Variants in PRDM7 observed in about 807,000 individuals in gnomAD.
The protein encoded by PRDM7 is histone-lysine N-methyltransferase PRDM7.
PRDM7 carries 52 observed loss-of-function variants against 64.3 expected under a neutral mutation model. The ratio of observed to expected loss-of-function variants is 0.81; its 90% CI spans 0.65 to 1.02. The LOEUF is 1.02. Ranked by LOEUF, PRDM7 falls within the 50% of genes least tolerant of loss-of-function variation. The pLI is 0.00. For synonymous variants in PRDM7, 192 were observed against 210.1 expected (o/e 0.91, Z 0.74); for missense variants, 574 against 597.1 (o/e 0.96, Z 0.40).
Position 90,057,859 on chromosome 16 carries a change from T to C in PRDM7, c.*430A>G. The C allele has an allele frequency of 2.6e-6, 4 of 1,525,280 alleles. No homozygotes were observed. The South Asian group carries it at 3.3e-5, about 13-fold the overall frequency. 94.5% of individuals were successfully genotyped at this position (1,525,280 alleles called of 1,614,324 possible). On this transcript the variant is annotated 3_prime_UTR_variant, in exon 11 of 11. Transcript: ENST00000449207. ...TGACTTACTCATCCTTCCTGCAGAC[T>C]GGGGCGTCTCCCCTGTGTGTCCTCT...
chr16:90,061,921 T>C lies in PRDM7; in HGVS notation c.882A>G (p.Leu294=), dbSNP rs2037784663. 1 of 1,614,248 alleles carries C rather than the reference T, an allele frequency of 6.2e-7. No individual in the cohort carries two copies. Among genetic ancestry groups the C allele is most frequent in the Non-Finnish European group, 8.5e-7 (1 of 1,180,022 alleles). Residue 294 remains leucine (L), a splice_region_variant and synonymous_variant, in exon 8 of 11, where the codon CTA becomes CTG. Coordinates refer to ENST00000449207, the MANE Select transcript of PRDM7 (RefSeq NM_001098173.2). ...EEAANSGYSW[L]ITKGRNCYEY... ...AGGGGAAACAGCAGGCTCTTCTTAC[T>C]AGCCAGGAATATCCACTGTTGGCTG... is the stretch of plus-strand genomic sequence containing the variant.
intron 4 of PRDM7, among the ~76,000 whole-genome samples, chr16:90,069,371 G>A (rs761756055): frequency 3.7e-4 from 56 of 151,298 alleles, no homozygotes; most frequent in Non-Finnish European, 6.9e-4. Context: ...ATAGATTAAA[G>A]ACTGAAATGT....
In PRDM7 at chr16:90,067,027, C is replaced by A. The variant is rs765430108; in HGVS notation, c.302-117G>T. ...TCGCCCAGGCTGGAGTGCAGTGGCA[C>A]AATCTCCCCTCACTGCAACCTCCGC... On this transcript the variant is annotated intron_variant, in intron 4 of 10. Coordinates refer to ENST00000449207, the MANE Select transcript of PRDM7 (RefSeq NM_001098173.2). 1.3e-4 allele frequency: 103 copies of A among 815,340 alleles called. No homozygotes were observed. In the Admixed American group the frequency reaches 1.3e-3, roughly 10 times the overall value. 50.5% of individuals were successfully genotyped at this position (815,340 alleles called of 1,614,324 possible).
At position 90,068,965 on chromosome 16, in the gene PRDM7, T is replaced by C. The variant is rs1205179784; in HGVS notation, c.302-2055A>G. The stretch of plus-strand genomic sequence containing the variant: ...AATGATTTATAGATTCAATGTCCTG[T>C]CTATCAAAATGCCAATGCTATTATT... On this transcript the variant is annotated intron_variant, in intron 4 of 10. Transcript: ENST00000449207. Among the ~76,000 whole-genome samples, 2 of 151,312 alleles carry C rather than the reference T, an allele frequency of 1.3e-5. 1 individual carries two copies. The highest frequency in any genetic ancestry group is 2.9e-5 in the Non-Finnish European group (2 of 67,998).
intron 5 of PRDM7, among the ~76,000 whole-genome samples, chr16:90,064,148 G>A (rs2037831750): frequency 6.6e-6 from 1 of 152,094 alleles, no homozygotes; most frequent in African/African-American, 2.4e-5. Context: ...AAGCACAGAG[G>A]GACAAAGCAC....
Position 90,062,211 on chromosome 16 carries a change from G to A in PRDM7, c.611-19C>T, listed in dbSNP as rs773157611. The A allele has an allele frequency of 6.2e-7, 1 of 1,614,260 alleles. No individual in the cohort carries two copies. Among genetic ancestry groups the A allele is most frequent in the Non-Finnish European group, 8.5e-7 (1 of 1,180,040 alleles). ...TCACAATCTGGAAGTGAGGGAAGCA[G>A]GGATTAGGAAAGTTGTAATGCATGT... On this transcript the variant is annotated intron_variant, in intron 7 of 10. Transcript: ENST00000449207.
In PRDM7 at chr16:90,063,684, C is replaced by A. The variant is rs552727013; in HGVS notation, c.436G>T (p.Glu146Ter). ...TPNLLNTSDS[E>*]QAQKPVSPPG... is the part of the protein sequence containing the mutation. ...GGGGACACTGGTTTCTGAGCCTGCT[C>A]TGAGTCACTTGTATTCAGTAAATTT... The change falls in exon 6 of 11, where the codon GAG becomes TAG. Residue 146 changes from glutamate to a stop codon, truncating the protein, a stop_gained. Coordinates refer to ENST00000449207, the MANE Select transcript of PRDM7 (RefSeq NM_001098173.2). LOFTEE classifies it high-confidence loss of function. The A allele has an allele frequency of 3.7e-6, 6 of 1,614,180 alleles. No individual in the cohort carries two copies. Among genetic ancestry groups the A allele is most frequent in the Non-Finnish European group, 5.1e-6 (6 of 1,180,036 alleles).
At chr16:90,067,004 G>A (rs574929062) in intron 4 of PRDM7, 94 bp from the exon 5 acceptor site, 128 of 1,097,872 alleles carry the variant, frequency 1.2e-4, no homozygotes, top group Admixed American at 3.0e-4. Flanking sequence ...TCCCTCTGTC[G>A]CCCAGGCTGG....
intron 10 of PRDM7, among the ~76,000 whole-genome samples, chr16:90,059,229 G>T (rs901967486): frequency 6.6e-6 from 1 of 152,176 alleles, no homozygotes; most frequent in Non-Finnish European, 1.5e-5. Flanking sequence ...GTCCTGCTGC[G>T]CCAACTAGGT....
At position 90,062,110 on chromosome 16, in the gene PRDM7, G is replaced by A. The variant is rs1385235450; in HGVS notation, c.693C>T (p.Asp231=). ...GGGCTGAACGGTTGGGATGCCCCTT[G>A]TCCACTGCACTGTCCTTTACAAATG... is the stretch of plus-strand genomic sequence containing the variant. The part of the protein sequence containing the change: ...PPTFVKDSAV[D]KGHPNRSALS... Residue 231 remains aspartate (D), a synonymous_variant, in exon 8 of 11, where the codon GAC becomes GAT. Transcript: ENST00000449207. 6 of 1,614,238 alleles carry A rather than the reference G, an allele frequency of 3.7e-6. No homozygotes were observed. Among genetic ancestry groups the A allele is most frequent in the South Asian group, 1.1e-5 (1 of 91,088 alleles).
rs1438382839 is a variant in PRDM7, at chr16:90,061,944, C to T, written c.859G>A (p.Ala287Thr). The change falls in exon 8 of 11, where the codon GCC becomes ACC. Residue 287 changes from alanine to threonine, a missense_variant. Coordinates refer to ENST00000449207, the MANE Select transcript of PRDM7 (RefSeq NM_001098173.2). ...EGRITEDEEA[A>T]NSGYSWLITK... ...ACTAGCCAGGAATATCCACTGTTGGCTGCCTCTTCGTCTTCTGTAATTCGG... is the reference window on the plus strand; with the variant it reads ...ACTAGCCAGGAATATCCACTGTTGGTTGCCTCTTCGTCTTCTGTAATTCGG... 2 of 1,614,276 alleles carry T rather than the reference C, an allele frequency of 1.2e-6. No individual in the cohort carries two copies.
At chr16:90,064,724 CTT>C (rs200484353) in intron 5 of PRDM7, among the ~76,000 whole-genome samples, 1 of 134,678 alleles carries the variant, frequency 7.4e-6, no homozygotes. Context: ...CATGCTAATT[CTT>C]TTTTTTTTTT....
At chr16:90,066,196 T>G (rs2037869940) in intron 5 of PRDM7, among the ~76,000 whole-genome samples, 1 of 151,360 alleles carries the variant, frequency 6.6e-6, no homozygotes, top group Admixed American at 6.6e-5. Flanking sequence ...CTGAAACCCT[T>G]CAGGGCTGGA....
chr16:90,075,184 A>C lies in PRDM7; in HGVS notation c.194-161T>G. On this transcript the variant is annotated intron_variant, in intron 3 of 10. Coordinates refer to ENST00000449207, the MANE Select transcript of PRDM7 (RefSeq NM_001098173.2). The surrounding 1 kb of genome is among the most constrained non-coding windows in gnomAD (Gnocchi z 4.3). ...TGTGACCTCTGCATGGTCAGTATCC[A>C]CACACAACCCTGCACTGACGCAAAA... is the stretch of plus-strand genomic sequence containing the variant. Among the ~76,000 whole-genome samples, 1 of 152,206 alleles carries C rather than the reference A, an allele frequency of 6.6e-6. No homozygotes were observed. Among genetic ancestry groups the C allele is most frequent in the East Asian group, 1.9e-4 (1 of 5,194 alleles).
chr16:90,064,485 C>G (rs899947535), intron 5 of PRDM7, among the ~76,000 whole-genome samples: 3 of 152,170 alleles, frequency 2.0e-5, no homozygotes, highest in Non-Finnish European at 4.4e-5. Context: ...ATGATTTCAG[C>G]TCACTGCAGC....
At chr16:90,062,644 A>G in intron 6 of PRDM7, 142 bp from the exon 7 acceptor site, 1 of 800,740 alleles carries the variant, frequency 1.2e-6, no homozygotes, top group South Asian at 1.5e-5. Flanking sequence ...ACTGCTTCAG[A>G]GAGACTTAGA....
At chr16:90,059,486 G>T (rs2037734616) in intron 10 of PRDM7, among the ~76,000 whole-genome samples, 1 of 152,252 alleles carries the variant, frequency 6.6e-6, no homozygotes, top group African/African-American at 2.4e-5. Context: ...ACCCATGGCA[G>T]CCTATTTTCC....
At chr16:90,076,411 T>A (rs1396718420) in intron 1 of PRDM7, among the ~76,000 whole-genome samples, 1 of 151,930 alleles carries the variant, frequency 6.6e-6, no homozygotes, top group African/African-American at 2.4e-5. Flanking sequence ...ACATTTTGCA[T>A]AGACAGGATT....
In PRDM7 at chr16:90,057,722, A is replaced by G. The variant is rs1597679216; in HGVS notation, c.*567T>C. On this transcript the variant is annotated 3_prime_UTR_variant, in exon 11 of 11. Transcript: ENST00000449207. ...TTCCGATCTCTTTACACTCTCGGGG[A>G]ATGTAAGGGGTTAGCAGACTTTCGC... 8.1e-7 allele frequency: 1 copy of G among 1,235,870 alleles called. No individual in the cohort carries two copies. 76.6% of individuals were successfully genotyped at this position (1,235,870 alleles called of 1,614,324 possible). A position where few individuals can be genotyped will look rare whatever the true frequency, so the allele number is the denominator to read the frequency against.
Sources: allele counts gnomAD v4.1 joint callset (sites outside exome capture counted in the v4.1 genomes callset), GRCh38; gene constraint gnomAD v4.1.1; non-coding constraint Gnocchi (gnomAD v3.1); transcripts MANE v1.5; gene names NCBI Gene and HGNC (gene_info 2026-07-23, HGNC 2026-07-21).